PTPRD: variants seen among roughly 807,000 people sequenced by gnomAD.
PTPRD encodes protein tyrosine phosphatase receptor type D.
PTPRD carries 34 observed loss-of-function variants against 214.5 expected under a neutral mutation model. The ratio of observed to expected loss-of-function variants is 0.16; its 90% confidence interval spans 0.12 to 0.21. The LOEUF (loss-of-function observed/expected upper bound fraction) is 0.21. Ranked by LOEUF, PTPRD falls within the 10% of genes least tolerant of loss-of-function variation. The pLI is 1.00. For missense variants in PTPRD, 2,545 were observed against 2,398.7 expected (o/e 1.06, Z -1.27); for synonymous variants, 1,128 against 845.7 (o/e 1.33, Z -5.79).
chr9:8,442,560 C>A (rs553219528), intron 34 of PTPRD, among the ~76,000 whole-genome samples: 1 of 152,082 alleles, frequency 6.6e-6, no homozygotes, highest in African/African-American at 2.4e-5. Flanking sequence ...GCTTATGGAC[C>A]AAAGAGAAGC....
intron 7 of PTPRD, among the ~76,000 whole-genome samples, chr9:9,717,906 A>T (rs898222417): frequency 2.8e-5 from 4 of 140,738 alleles, no homozygotes; most frequent in African/African-American, 1.1e-4. Context: ...AATTAAAAAT[A>T]AAATTAGCAT....
At chr9:8,380,381 A>G (rs2084644416) in intron 37 of PTPRD, among the ~76,000 whole-genome samples, 1 of 152,142 alleles carries the variant, frequency 6.6e-6, no homozygotes, top group Admixed American at 6.6e-5. Flanking sequence ...TATGTGTTCA[A>G]CTCAGAGGTG....
chr9:10,312,440 G>A (rs569925677), intron 3 of PTPRD, among the ~76,000 whole-genome samples: 24 of 151,948 alleles, frequency 1.6e-4, no homozygotes, highest in African/African-American at 5.5e-4. Flanking sequence ...ATATATAGAC[G>A]CCTTTTAGTT....
At chr9:10,600,348 T>G (rs900330093) in intron 2 of PTPRD, among the ~76,000 whole-genome samples, 1 of 151,776 alleles carries the variant, frequency 6.6e-6, no homozygotes, top group Admixed American at 6.6e-5. Flanking sequence ...ATCTGTATCC[T>G]TCTTTTCAAT....
intron 10 of PTPRD, among the ~76,000 whole-genome samples, chr9:9,062,381 T>C (rs1590839182): frequency 1.3e-5 from 2 of 152,190 alleles, no homozygotes; most frequent in South Asian, 2.1e-4. Context: ...TTCATATACA[T>C]ACCTTGTGGC....
intron 11 of PTPRD, among the ~76,000 whole-genome samples, chr9:8,927,784 C>T (rs2098913434): frequency 6.6e-6 from 1 of 152,200 alleles, no homozygotes; most frequent in Non-Finnish European, 1.5e-5. Flanking sequence ...AATTGCCACA[C>T]TGACTTCCAC....
intron 10 of PTPRD, among the ~76,000 whole-genome samples, chr9:9,076,449 T>A (rs1011880631): frequency 2.6e-5 from 4 of 151,968 alleles, no homozygotes; most frequent in African/African-American, 9.7e-5. Context: ...CTCCCCTGTC[T>A]AGTACTCCTC....
At position 9,270,885 on chromosome 9, in the gene PTPRD, G is replaced by A. The variant is rs190088306; in HGVS notation, c.-202-87522C>T. Among the ~76,000 whole-genome samples the A allele has an allele frequency of 3.8e-3, 574 of 151,404 alleles. 5 individuals carry two copies. Among genetic ancestry groups the A allele is most frequent in the African/African-American group, 0.013 (532 of 41,406 alleles). ...TCATTAATGGAATAGATATCGGGGGGTGTAGGGATAGGAGGAATCAAAGAA... is the reference window on the plus strand; with the variant it reads ...TCATTAATGGAATAGATATCGGGGGATGTAGGGATAGGAGGAATCAAAGAA... On this transcript the variant is annotated intron_variant, in intron 9 of 45. Transcript: ENST00000381196.
chr9:8,323,631 G>A (rs1013395671), intron 44 of PTPRD, among the ~76,000 whole-genome samples: 12 of 152,172 alleles, frequency 7.9e-5, no homozygotes, highest in African/African-American at 2.2e-4. Flanking sequence ...AGAACTAGAA[G>A]TGGAGCCAGG....
chr9:8,833,162 C>A, intron 11 of PTPRD, among the ~76,000 whole-genome samples: 1 of 152,070 alleles, frequency 6.6e-6, no homozygotes, highest in East Asian at 1.9e-4. Flanking sequence ...AGAGGTTGAG[C>A]TGGGAAGTTT....
Position 9,574,941 on chromosome 9 carries a change from A to G in PTPRD, c.-286-160T>C, listed in dbSNP as rs148528996. On this transcript the variant is annotated intron_variant, in intron 7 of 45. Coordinates refer to ENST00000381196, the MANE Select transcript of PTPRD (RefSeq NM_002839.4). ...ATTTTTGACTACAGTATTTGTCTGAAATAGCATTACCAGTTACTCATCTTA... is the reference window on the plus strand; with the variant it reads ...ATTTTTGACTACAGTATTTGTCTGAGATAGCATTACCAGTTACTCATCTTA... 2.8e-3 allele frequency among the ~76,000 whole-genome samples: 425 copies of G among 152,236 alleles called. 1 individual carries two copies. The highest frequency in any genetic ancestry group is 9.6e-3 in the African/African-American group (401 of 41,560).
At chr9:9,542,836 A>C (rs149649704) in intron 8 of PTPRD, among the ~76,000 whole-genome samples, 1 of 151,824 alleles carries the variant, frequency 6.6e-6, no homozygotes, top group East Asian at 1.9e-4. Context: ...GAGCAACTGG[A>C]ACTCTTACAA....
chr9:8,974,267 G>C (rs2099255715), intron 11 of PTPRD, among the ~76,000 whole-genome samples: 1 of 151,942 alleles, frequency 6.6e-6, no homozygotes, highest in Non-Finnish European at 1.5e-5. Context: ...TCTGCATGTG[G>C]CTAGCCAGTT....
chr9:10,204,931 C>T (rs2099460760), intron 3 of PTPRD, among the ~76,000 whole-genome samples: 1 of 152,050 alleles, frequency 6.6e-6, no homozygotes, highest in South Asian at 2.1e-4. Context: ...TGTGAAGTGC[C>T]AAATCAAATA....
chr9:9,930,746 T>G (rs1488250601), intron 5 of PTPRD, among the ~76,000 whole-genome samples: 1 of 152,090 alleles, frequency 6.6e-6, no homozygotes, highest in Non-Finnish European at 1.5e-5. Context: ...TATTTATACT[T>G]TTCCACAAAA....
intron 35 of PTPRD, among the ~76,000 whole-genome samples, chr9:8,412,138 G>T (rs1314342659): frequency 1.3e-5 from 2 of 152,164 alleles, no homozygotes; most frequent in Admixed American, 1.3e-4. Flanking sequence ...GAGGTGGCAT[G>T]TGCCTGTAAT....
intron 6 of PTPRD, among the ~76,000 whole-genome samples, chr9:9,737,977 T>A (rs999859466): frequency 1.3e-5 from 2 of 152,126 alleles, no homozygotes; most frequent in Non-Finnish European, 2.9e-5. Context: ...TCCATATCCT[T>A]GCCAACACTT....
intron 14 of PTPRD, among the ~76,000 whole-genome samples, chr9:8,564,982 G>C (rs750395207): frequency 1.3e-4 from 20 of 152,262 alleles, no homozygotes; most frequent in Non-Finnish European, 2.4e-4. Flanking sequence ...AAAATCCTCA[G>C]CAAAATTTGT....
intron 7 of PTPRD, among the ~76,000 whole-genome samples, chr9:9,675,685 A>G (rs749413934): frequency 2.0e-5 from 3 of 152,016 alleles, no homozygotes; most frequent in Non-Finnish European, 4.4e-5. Flanking sequence ...AAACAGAAAA[A>G]TCTGAAATGC....
Sources: allele counts gnomAD v4.1 joint callset (sites outside exome capture counted in the v4.1 genomes callset), GRCh38; gene constraint gnomAD v4.1.1; transcripts MANE v1.5; gene names NCBI Gene and HGNC (gene_info 2026-07-23, HGNC 2026-07-21).